The following MED24 variants were observed in gnomAD, a reference collection of about 807,000 sequenced individuals.
MED24 encodes the protein mediator of RNA polymerase II transcription subunit 24.
In MED24, 74 loss-of-function variants were observed where a neutral mutation model predicts 118.8. That is an observed-to-expected ratio of 0.62 (90% CI 0.52 to 0.76). MED24 has a LOEUF of 0.76. Ranked by LOEUF, MED24 falls within the 30% of genes least tolerant of loss-of-function variation. The pLI, the probability that MED24 is intolerant of heterozygous loss-of-function variation, is 0.00. For missense variants in MED24, 1,041 were observed against 1,278.9 expected, an observed-to-expected ratio of 0.81 and a Z score of 2.84; for synonymous variants, 521 against 523.9, an observed-to-expected ratio of 0.99 and a Z score of 0.08.
At position 40,033,630 on chromosome 17, in the gene MED24, G is replaced by A. The variant is rs767895339; in HGVS notation, c.560-174C>T. On this transcript the variant is annotated intron_variant, in intron 6 of 25. Transcript: ENST00000394128. This position sits in a 1 kb window ranked among gnomAD's most constrained non-coding sequence, Gnocchi z 5.2. ...AGGGCAGCATGCACTGTTTCCAGAA[G>A]GGGGGTGGGCACCTAGAGCTGGAAA... 4 of 702,756 alleles carry A rather than the reference G, an allele frequency of 5.7e-6. No individual in the cohort carries two copies. Among genetic ancestry groups the A allele is most frequent in the Admixed American group, 2.0e-5 (1 of 49,724 alleles). 43.5% of individuals were successfully genotyped at this position (702,756 alleles called of 1,614,324 possible).
chr17:40,026,810 C>T, intron 17 of MED24, 46 bp downstream of exon 17: 1 of 1,611,270 alleles, frequency 6.2e-7, no homozygotes, highest in South Asian at 1.1e-5. Flanking sequence ...CGGGTCTTGA[C>T]CCTGCCCCCA....
chr17:40,035,891 T>C, intron 4 of MED24, 96 bp from the exon 5 acceptor site: 1 of 1,252,116 alleles, frequency 8.0e-7, no homozygotes, highest in Admixed American at 1.9e-5. Flanking sequence ...TGCTCCTCTC[T>C]CCTCCAACCC....
intron 23 of MED24, chr17:40,021,224 T>G (rs1407641845): frequency 2.6e-5 from 4 of 152,428 alleles, no homozygotes; most frequent in African/African-American, 9.6e-5. Context: ...CCTAAGCTGC[T>G]TACTCCTCAC....
intron 3 of MED24, 142 bp downstream of exon 3, chr17:40,053,156 A>C: frequency 1.3e-6 from 1 of 780,356 alleles, no homozygotes; most frequent in East Asian, 2.7e-5. Context: ...GCTGGTCTTG[A>C]ACTCCTGGGC....
intron 3 of MED24, among the ~76,000 whole-genome samples, chr17:40,051,178 G>A (rs1397000036): frequency 6.6e-6 from 1 of 151,616 alleles, no homozygotes; most frequent in Non-Finnish European, 1.5e-5. Context: ...AGGATTGGTG[G>A]TGGGCGCCTG....
At position 40,033,005 on chromosome 17, in the gene MED24, C is replaced by G. The variant is rs541056233; in HGVS notation, c.822+51G>C. The G allele has an allele frequency of 7.5e-6, 12 of 1,607,446 alleles. No homozygotes were observed. Among genetic ancestry groups the G allele is most frequent in the Admixed American group, 1.7e-5 (1 of 59,798 alleles). On this transcript the variant is annotated intron_variant, in intron 8 of 25. Transcript: ENST00000394128. This position sits in a 1 kb window ranked among gnomAD's most constrained non-coding sequence, Gnocchi z 5.2. ...ACCAGAAGAATCCTCCCTCCTGCCC[C>G]CAACAGGCTGGCCTGCCTTGGAGAA...
At chr17:40,039,812 C>G (rs1300791343) in intron 3 of MED24, among the ~76,000 whole-genome samples, 1 of 137,044 alleles carries the variant, frequency 7.3e-6, no homozygotes, top group Non-Finnish European at 1.5e-5. Flanking sequence ...GAGATGGAGT[C>G]TTGCTCTCTC....
Position 40,035,726 on chromosome 17 carries a change from G to A in MED24, c.322C>T (p.Leu108=). The change falls in exon 5 of 26, where the codon CTG becomes TTG. Residue 108 remains leucine (L), a synonymous_variant. Transcript: ENST00000394128. ...CCCCCTTACCCCTGCCCTTACCTCA[G>A]ACGGTCACAAAACATGTCCATGATG... ...LDIMDMFCDR[L]SCHGKAEECI... The A allele has an allele frequency of 6.2e-7, 1 of 1,613,954 alleles. No individual in the cohort carries two copies. Among genetic ancestry groups the A allele is most frequent in the Non-Finnish European group, 8.5e-7 (1 of 1,179,888 alleles).
chr17:40,032,638 G>A lies in MED24; in HGVS notation c.936+11C>T, dbSNP rs770156326. 90 of 1,597,366 alleles carry A rather than the reference G, an allele frequency of 5.6e-5. No individual in the cohort carries two copies. Among genetic ancestry groups the A allele is most frequent in the African/African-American group, 3.9e-4 (29 of 74,364 alleles). On this transcript the variant is annotated intron_variant, in intron 9 of 25. Coordinates refer to ENST00000394128, the MANE Select transcript of MED24 (RefSeq NM_014815.4). ...CCTAGACTGGCTCTGCCCCTCCCACGTCCCCAGTACCTTGAGGAAAGTGAA... is the reference window on the plus strand; with the variant it reads ...CCTAGACTGGCTCTGCCCCTCCCACATCCCCAGTACCTTGAGGAAAGTGAA...
chr17:40,045,174 C>T (rs1985024372), intron 3 of MED24, among the ~76,000 whole-genome samples: 1 of 152,168 alleles, frequency 6.6e-6, no homozygotes, highest in Non-Finnish European at 1.5e-5. Context: ...CTGGGCCAGG[C>T]ACAGTGGCTC....
In MED24 at chr17:40,047,670, A is replaced by C. The variant is rs2144985585; in HGVS notation, c.213+5628T>G. On this transcript the variant is annotated intron_variant, in intron 3 of 25. Transcript: ENST00000394128. ...GAGCGAGACTCCATCTCATAAAAAA[A>C]AACAAAAAAACAAAAAACAAAAAAC... is the stretch of plus-strand genomic sequence containing the variant. 2.0e-5 allele frequency among the ~76,000 whole-genome samples: 3 copies of C among 150,388 alleles called. No homozygotes were observed. In the South Asian group the frequency reaches 6.2e-4, roughly 31 times the overall value.
intron 25 of MED24, 45 bp downstream of exon 25, chr17:40,019,740 C>T (rs1390382048): frequency 6.2e-7 from 1 of 1,604,290 alleles, no homozygotes; most frequent in Non-Finnish European, 8.5e-7. Flanking sequence ...AAGGGCTGCC[C>T]CGAGGCCCCA....
chr17:40,021,658 T>A (rs1982021798), intron 23 of MED24, among the ~76,000 whole-genome samples: 1 of 150,556 alleles, frequency 6.6e-6, no homozygotes, highest in Non-Finnish European at 1.5e-5. Flanking sequence ...CTCACTTGGG[T>A]AGCTTGTCAT....
intron 3 of MED24, among the ~76,000 whole-genome samples, chr17:40,050,756 T>C (rs895438957): frequency 1.1e-4 from 17 of 152,146 alleles, no homozygotes; most frequent in Admixed American, 4.6e-4. Context: ...GTTGAAAAAT[T>C]ACGTATTGGG....
rs755053662 is a variant in MED24 at position 40,026,290 on chromosome 17, C to T, written c.1851G>A (p.Ala617=). Residue 617 remains alanine, a synonymous_variant, in exon 19 of 26, where the codon GCG becomes GCA. Coordinates refer to ENST00000394128, the MANE Select transcript of MED24 (RefSeq NM_014815.4). ...DNIKGKVCSL[A]VCAVAWLVAH... ...CCACAAGCCAAGCCACAGCACACAC[C>T]GCCAGACTGCATACCTTCCCTTTGA... The T allele has an allele frequency of 9.3e-6, 15 of 1,614,080 alleles. No individual in the cohort carries two copies. Among genetic ancestry groups the T allele is most frequent in the African/African-American group, 4.0e-5 (3 of 74,934 alleles).
At chr17:40,032,946 T>C in intron 8 of MED24, 110 bp downstream of exon 8, 1 of 1,485,632 alleles carries the variant, frequency 6.7e-7, no homozygotes, top group Admixed American at 2.0e-5. Context: ...CTTTCCATCA[T>C]GGAGCAGGAG....
Position 40,022,626 on chromosome 17 carries a change from G to C in MED24, c.2432+19C>G. ...ACCCTGGGTGGCCGGAGCAGGGCAA[G>C]CTCTGAAGAGAATCTTACTTGGCAA... On this transcript the variant is annotated intron_variant, in intron 21 of 25. Transcript: ENST00000394128. The C allele has an allele frequency of 1.2e-6, 2 of 1,612,658 alleles. No individual in the cohort carries two copies. Among genetic ancestry groups the C allele is most frequent in the Non-Finnish European group, 1.7e-6 (2 of 1,179,824 alleles).
intron 3 of MED24, among the ~76,000 whole-genome samples, chr17:40,036,684 C>T (rs1419508805): frequency 1.2e-5 from 1 of 85,302 alleles, no homozygotes; most frequent in Non-Finnish European, 2.3e-5. Flanking sequence ...GAGACTCTGT[C>T]TCAAAAAAAA....
Position 40,027,384 on chromosome 17 carries a change from T to C in MED24, c.1529A>G (p.Glu510Gly), listed in dbSNP as rs780896437. The change falls in exon 16 of 26, where the codon GAG (glutamate) becomes GGG (glycine). Residue 510 changes from glutamate (E) to glycine (G), a missense_variant and splice_region_variant. By Grantham distance (98) the Glu-to-Gly change is moderately conservative. Around this residue, in one of 3 missense-constraint regions of MED24, gnomAD observed 587 missense variants for 694.4 expected, o/e 0.85. Transcript: ENST00000394128. ...LCHVAQTYGSEVILSESRTGA... is the reference protein window; with the variant it reads ...LCHVAQTYGSGVILSESRTGA... ...GTCCCGGTCGCTCCCCTCTCTCACC[T>C]CTGAACCATAGGTCTGGGCCACATG... 1 of 1,613,256 alleles carries C rather than the reference T, an allele frequency of 6.2e-7. No individual in the cohort carries two copies. Among genetic ancestry groups the C allele is most frequent in the East Asian group, 2.2e-5 (1 of 44,848 alleles).
Sources: allele counts gnomAD v4.1 joint callset (sites outside exome capture counted in the v4.1 genomes callset), GRCh38; gene constraint gnomAD v4.1.1; regional missense constraint gnomAD v4.1.1; non-coding constraint Gnocchi (gnomAD v3.1); transcripts MANE v1.5; gene names NCBI Gene and HGNC (gene_info 2026-07-23, HGNC 2026-07-21).